PALM: variants seen among roughly 807,000 people sequenced by gnomAD.
The protein encoded by PALM is paralemmin-1.
A neutral mutation model predicts 30.7 loss-of-function variants in PALM; 18 were observed. That is an observed-to-expected ratio of 0.59 (90% CI 0.41 to 0.87). PALM has a LOEUF of 0.87. Ranked by LOEUF, PALM falls within the 40% of genes least tolerant of loss-of-function variation. PALM has a pLI of 0.00. For missense variants in PALM, 529 were observed against 555.4 expected, an observed-to-expected ratio of 0.95 and a Z score of 0.48; for synonymous variants, 286 against 242.8, an observed-to-expected ratio of 1.18 and a Z score of -1.66.
chr19:744,000 GCT>G (rs1199356193), intron 8 of PALM, among the ~76,000 whole-genome samples: 1 of 152,192 alleles, frequency 6.6e-6, no homozygotes, highest in Non-Finnish European at 1.5e-5. Context: ...TGTATCTTCT[GCT>G]CTGTGTTCCT....
intron 1 of PALM, among the ~76,000 whole-genome samples, chr19:723,303 G>A (rs969130443): frequency 5.9e-5 from 9 of 152,128 alleles, no homozygotes; most frequent in Admixed American, 2.0e-4. Context: ...GGGGGTGGCA[G>A]CAGACACGAA....
Position 746,952 on chromosome 19 carries a change from T to A in PALM, c.*138T>A. On this transcript the variant is annotated 3_prime_UTR_variant, in exon 9 of 9. Coordinates refer to ENST00000338448, the MANE Select transcript of PALM (RefSeq NM_002579.3). This position sits in a 1 kb window ranked among gnomAD's most constrained non-coding sequence, Gnocchi z 7.1. ...TGTTGTTACATGTTCCTTCCGAGTT[T>A]TCTTTCGCTGGAAAGAGGGACAGGG... 1 of 629,662 alleles carries A rather than the reference T, an allele frequency of 1.6e-6. No individual in the cohort carries two copies. Among genetic ancestry groups the A allele is most frequent in the Non-Finnish European group, 2.7e-6 (1 of 365,176 alleles). The allele number at this position is 629,662 out of a possible 1,614,324, so 39.0% of individuals were successfully genotyped here. A position where few individuals can be genotyped will look rare whatever the true frequency, so the allele number is the denominator to read the frequency against.
chr19:718,420 G>C (rs572627177), intron 1 of PALM, among the ~76,000 whole-genome samples: 2 of 152,284 alleles, frequency 1.3e-5, no homozygotes, highest in South Asian at 4.1e-4. Flanking sequence ...CTGGAGTGCA[G>C]TCGCGTGGGG....
intron 4 of PALM, among the ~76,000 whole-genome samples, chr19:729,663 T>C (rs902832456): frequency 6.6e-6 from 1 of 151,834 alleles, no homozygotes; most frequent in Non-Finnish European, 1.5e-5. Context: ...GGTTTCACCA[T>C]GTTGGTTAGG....
rs1395234496 is a variant in PALM at position 727,582 on chromosome 19, C to T, written c.157C>T (p.Arg53Cys). ...QHLKSKALRERWLLEGTPSSA... is the reference protein window; with the variant it reads ...QHLKSKALRECWLLEGTPSSA... The stretch of plus-strand genomic sequence containing the variant: ...TGCTCAGTCCAAGGCACTGCGGGAG[C>T]GCTGGCTGCTGGAGGGGACGCCGTC... Residue 53 changes from arginine (R) to cysteine (C), a missense_variant, in exon 4 of 9, where the codon CGC becomes TGC. Arg to Cys is a radical substitution (Grantham distance 180). Coordinates refer to ENST00000338448, the MANE Select transcript of PALM (RefSeq NM_002579.3). The T allele has an allele frequency of 3.1e-6, 5 of 1,589,264 alleles. No homozygotes were observed. Among genetic ancestry groups the T allele is most frequent in the Non-Finnish European group, 4.3e-6 (5 of 1,168,770 alleles).
At chr19:724,914 G>A (rs940691848) in intron 1 of PALM, among the ~76,000 whole-genome samples, 9 of 151,570 alleles carry the variant, frequency 5.9e-5, no homozygotes, top group African/African-American at 2.2e-4. Flanking sequence ...GTGAGCAGCT[G>A]TGGTTTTGCT....
intron 6 of PALM, 48 bp from the exon 7 acceptor site, chr19:735,971 C>T (rs1284959464): frequency 2.6e-6 from 4 of 1,526,330 alleles, no homozygotes; most frequent in Admixed American, 3.5e-5. Flanking sequence ...GTCCATGTGA[C>T]CTCTCCTCTG....
intron 2 of PALM, 60 bp downstream of exon 2, chr19:726,249 G>T (rs1178250322): frequency 6.9e-7 from 1 of 1,447,430 alleles, no homozygotes; most frequent in Non-Finnish European, 9.7e-7. Context: ...GGGACCTGGG[G>T]TCTCGGGCCC....
intron 2 of PALM, 58 bp from the exon 3 acceptor site, chr19:726,950 T>TG (rs567356479): frequency 3.0e-5 from 26 of 864,274 alleles, no homozygotes; most frequent in South Asian, 9.9e-5. Context: ...TGTGTGGGGG[T>TG]GGGGGGGTCT....
In PALM at chr19:740,443, G is replaced by A. The variant is rs1332289367; in HGVS notation, c.594G>A (p.Pro198=). Residue 198 remains proline (P), a synonymous_variant, in exon 8 of 9, where the codon CCG becomes CCA. Coordinates refer to ENST00000338448, the MANE Select transcript of PALM (RefSeq NM_002579.3). ...GCACCACGCTGCTCCCTCGGCAGCC[G>A]CTCCCTCTGGGCATCAAAGTCTACG... The part of the protein sequence containing the change: ...LSSTTLLPRQ[P]LPLGIKVYED... 25 of 1,552,214 alleles carry A rather than the reference G, an allele frequency of 1.6e-5. No individual in the cohort carries two copies. Among genetic ancestry groups the A allele is most frequent in the African/African-American group, 5.5e-5 (4 of 73,126 alleles).
Position 709,820 on chromosome 19 carries a change from C to G in PALM, c.5+669C>G, listed in dbSNP as rs1384152884. 1.3e-5 allele frequency among the ~76,000 whole-genome samples: 2 copies of G among 152,192 alleles called. No homozygotes were observed. Among genetic ancestry groups the G allele is most frequent in the African/African-American group, 2.4e-5 (1 of 41,450 alleles). ...GTGGGATACCCTCTCGGGGAAGTGT[C>G]TCGGAGCTGGGGCTCCACTGGTGTA... is the stretch of plus-strand genomic sequence containing the variant. On this transcript the variant is annotated intron_variant, in intron 1 of 8. Transcript: ENST00000338448. The surrounding 1 kb of genome is among the most constrained non-coding windows in gnomAD (Gnocchi z 4.3).
At chr19:723,241 G>A (rs1284843909) in intron 1 of PALM, among the ~76,000 whole-genome samples, 2 of 152,138 alleles carry the variant, frequency 1.3e-5, no homozygotes, top group African/African-American at 4.8e-5. Flanking sequence ...AGGCACGAGG[G>A]CTCTTTGGAG....
In PALM at chr19:739,250, G is replaced by C. The variant is rs551205567; in HGVS notation, c.503-1102G>C. On this transcript the variant is annotated intron_variant, in intron 7 of 8. Coordinates refer to ENST00000338448, the MANE Select transcript of PALM (RefSeq NM_002579.3). ...TAAATAGATGACGGCGTGTCCAACC[G>C]TTGGCTGGAAGGAGGCGTCAAGTCC... 2.0e-5 allele frequency among the ~76,000 whole-genome samples: 3 copies of C among 152,024 alleles called. No homozygotes were observed. In the East Asian group the frequency reaches 5.8e-4, roughly 29 times the overall value.
At chr19:741,419 A>AGGGGAGACGGGCTGCAGGGGTGAG in intron 8 of PALM, among the ~76,000 whole-genome samples, 1 of 140,482 alleles carries the variant, frequency 7.1e-6, no homozygotes, top group Admixed American at 7.2e-5. Flanking sequence ...TGCAGGGGTG[A>AGGGGAGACGGGCTGCAGGGGTGAG]GGGGAGACGG....
chr19:719,395 C>T (rs2032379397), intron 1 of PALM: 1 of 985,476 alleles, frequency 1.0e-6, no homozygotes, highest in African/African-American at 1.7e-5. Context: ...ACGCCCTCGC[C>T]GGGCCCCGAG....
At position 727,000 on chromosome 19, in the gene PALM, C is replaced by CCCCCCCCCCCCCCA; in HGVS notation, c.58-5_58-4insCCCCCCCCCCACCC. Reference sequence around the variant, plus strand: ...CCCATCCCTGACCCCACCCGGCCCTCCCCACAGGAGAAGCGGAAGCGGCAG... The same window carrying CCCCCCCCCCCCCCA: ...CCCATCCCTGACCCCACCCGGCCCTCCCCCCCCCCCCCCACCCACAGGAGAAGCGGAAGCGGCAG... On this transcript the variant is annotated splice_polypyrimidine_tract_variant and splice_region_variant and intron_variant, in intron 2 of 8. Coordinates refer to ENST00000338448, the MANE Select transcript of PALM (RefSeq NM_002579.3). 4 of 1,446,496 alleles carry CCCCCCCCCCCCCCA rather than the reference C, an allele frequency of 2.8e-6. No individual in the cohort carries two copies. Among genetic ancestry groups the CCCCCCCCCCCCCCA allele is most frequent in the Non-Finnish European group, 2.8e-6 (3 of 1,055,344 alleles). The allele number at this position is 1,446,496 out of a possible 1,614,324, so 89.6% of individuals were successfully genotyped here. A position where few individuals can be genotyped will look rare whatever the true frequency, so the allele number is the denominator to read the frequency against.
At chr19:712,104 C>T (rs373207939) in intron 1 of PALM, among the ~76,000 whole-genome samples, 2 of 151,996 alleles carry the variant, frequency 1.3e-5, no homozygotes, top group Non-Finnish European at 2.9e-5. Context: ...CTCACTGCAA[C>T]CTCCGCCTCC....
intron 1 of PALM, chr19:722,401 G>C (rs2032520432): frequency 6.6e-6 from 1 of 151,992 alleles, no homozygotes; most frequent in African/African-American, 2.4e-5. Context: ...TAGTTAGTTA[G>C]TTATTTTTGT....
intron 8 of PALM, among the ~76,000 whole-genome samples, chr19:743,183 C>A (rs1490807323): frequency 6.6e-6 from 1 of 152,202 alleles, no homozygotes; most frequent in African/African-American, 2.4e-5. Context: ...GGGGTCCCCG[C>A]AGCCCAGCTC....
Sources: allele counts gnomAD v4.1 joint callset (sites outside exome capture counted in the v4.1 genomes callset), GRCh38; gene constraint gnomAD v4.1.1; non-coding constraint Gnocchi (gnomAD v3.1); transcripts MANE v1.5; gene names NCBI Gene and HGNC (gene_info 2026-07-23, HGNC 2026-07-21).